Variants in QKI observed in about 807,000 individuals in gnomAD.
QKI encodes the protein KH domain-containing RNA-binding protein QKI.
Under a neutral mutation model 39.0 loss-of-function variants are expected in QKI, and 10 were observed. The ratio of observed to expected loss-of-function variants is 0.26; its 90% CI spans 0.16 to 0.43. QKI has a LOEUF of 0.43. QKI is among the 20% of genes least tolerant of loss of function. QKI has a pLI of 1.00. For missense variants in QKI, 218 were observed against 428.0 expected (o/e 0.51, Z 4.33); for synonymous variants, 204 against 155.4 (o/e 1.31, Z -2.33).
intron 2 of QKI, among the ~76,000 whole-genome samples, chr6:163,456,870 A>G (rs1430929820): frequency 1.3e-5 from 2 of 152,000 alleles, no homozygotes; most frequent in African/African-American, 4.8e-5. Flanking sequence ...CTCGGTTGAG[A>G]GCCTTGCTGA....
chr6:163,415,640 C>G (rs1317367381), intron 1 of QKI, among the ~76,000 whole-genome samples: 1 of 151,768 alleles, frequency 6.6e-6, no homozygotes, highest in Non-Finnish European at 1.5e-5. Flanking sequence ...CTTCGGCGGT[C>G]ACATTTCCGA....
chr6:163,542,852 C>T (rs929774298), intron 4 of QKI, among the ~76,000 whole-genome samples: 5 of 151,826 alleles, frequency 3.3e-5, no homozygotes, highest in East Asian at 1.9e-4. Context: ...TTTCCACCTG[C>T]GGGTTTTGAA....
intron 5 of QKI, among the ~76,000 whole-genome samples, chr6:163,563,112 C>CT (rs1783133385): frequency 6.6e-6 from 1 of 152,086 alleles, no homozygotes; most frequent in Non-Finnish European, 1.5e-5. Context: ...TCTGCATGTA[C>CT]TTTAGTCTTA....
intron 3 of QKI, among the ~76,000 whole-genome samples, chr6:163,528,990 C>T (rs532920763): frequency 6.6e-6 from 1 of 152,170 alleles, no homozygotes; most frequent in African/African-American, 2.4e-5. Context: ...TACTTTTGAC[C>T]CATCTTGTCT....
At chr6:163,517,888 C>T (rs1562506434) in intron 3 of QKI, among the ~76,000 whole-genome samples, 1 of 152,066 alleles carries the variant, frequency 6.6e-6, no homozygotes, top group Non-Finnish European at 1.5e-5. Context: ...TTAGATGATA[C>T]ACAGCTATTT....
At position 163,571,385 on chromosome 6, in the gene QKI, C is replaced by T. The variant is rs1406656109; in HGVS notation, c.*675C>T. On this transcript the variant is annotated 3_prime_UTR_variant, in exon 8 of 8. Transcript: ENST00000361752. ...TAATGCAAATAACAAAACTGCAACA[C>T]TATTTTTAAAAAGATAAATATCTGA... 6.6e-6 allele frequency: 1 copy of T among 152,080 alleles called. No homozygotes were observed. The highest frequency in any genetic ancestry group is 2.4e-5 in the African/African-American group (1 of 41,414). The allele number at this position is 152,080 out of a possible 1,614,324, so 9.4% of individuals were successfully genotyped here. A position where few individuals can be genotyped will look rare whatever the true frequency, so the allele number is the denominator to read the frequency against.
At chr6:163,528,900 T>C (rs1562516142) in intron 3 of QKI, among the ~76,000 whole-genome samples, 1 of 152,196 alleles carries the variant, frequency 6.6e-6, no homozygotes, top group East Asian at 1.9e-4. Context: ...TTTATACATA[T>C]AGTATTTATA....
At chr6:163,457,015 A>G (rs1790970546) in intron 2 of QKI, among the ~76,000 whole-genome samples, 1 of 152,094 alleles carries the variant, frequency 6.6e-6, no homozygotes, top group Admixed American at 6.6e-5. Flanking sequence ...CTGTGAGCCT[A>G]CCCTAGGTAT....
intron 7 of QKI, chr6:163,568,866 A>T (rs1341477549): frequency 1.0e-6 from 1 of 985,664 alleles, no homozygotes; most frequent in Admixed American, 6.2e-5. Flanking sequence ...AATGAACTGT[A>T]TGGTCTTGCA....
chr6:163,554,638 C>T (rs1782468729), intron 4 of QKI, among the ~76,000 whole-genome samples: 1 of 152,240 alleles, frequency 6.6e-6, no homozygotes, highest in Admixed American at 6.5e-5. Context: ...CCATATTCCT[C>T]AATTTTTATC....
chr6:163,448,032 G>A (rs1183479205), intron 1 of QKI, among the ~76,000 whole-genome samples: 1 of 152,132 alleles, frequency 6.6e-6, no homozygotes, highest in African/African-American at 2.4e-5. Context: ...TACAGTAGAG[G>A]TTCTTTTCTA....
intron 3 of QKI, among the ~76,000 whole-genome samples, chr6:163,515,992 C>T (rs1779769283): frequency 6.7e-6 from 1 of 148,680 alleles, no homozygotes; most frequent in Non-Finnish European, 1.5e-5. Flanking sequence ...ATTTATCTCT[C>T]AAATCTGTCA....
chr6:163,555,242 A>G (rs1265238751), intron 4 of QKI, among the ~76,000 whole-genome samples: 1 of 152,130 alleles, frequency 6.6e-6, no homozygotes, highest in Non-Finnish European at 1.5e-5. Context: ...ACATGGGTTT[A>G]TTGGTTATTG....
chr6:163,534,056 C>G (rs1467715466), intron 3 of QKI, among the ~76,000 whole-genome samples: 1 of 152,108 alleles, frequency 6.6e-6, no homozygotes, highest in Middle Eastern at 3.2e-3. Flanking sequence ...TGCTGTGTGC[C>G]AGGTGCATTT....
chr6:163,453,458 G>A (rs1790720953), intron 1 of QKI, among the ~76,000 whole-genome samples: 1 of 152,122 alleles, frequency 6.6e-6, no homozygotes, highest in Non-Finnish European at 1.5e-5. Context: ...GCTAAAGGAT[G>A]TATGTGTGAT....
At chr6:163,447,509 T>C (rs1317209691) in intron 1 of QKI, among the ~76,000 whole-genome samples, 1 of 152,172 alleles carries the variant, frequency 6.6e-6, no homozygotes, top group African/African-American at 2.4e-5. Context: ...CTTCTCCTAC[T>C]CATCCATCCT....
intron 4 of QKI, among the ~76,000 whole-genome samples, chr6:163,561,404 T>C (rs1315128276): frequency 6.6e-6 from 1 of 152,008 alleles, no homozygotes; most frequent in Non-Finnish European, 1.5e-5. Flanking sequence ...GCCAGGAGTT[T>C]GAGACCAGCC....
chr6:163,472,346 AGAG>A (rs1792268187), intron 2 of QKI, among the ~76,000 whole-genome samples: 1 of 152,192 alleles, frequency 6.6e-6, no homozygotes. Context: ...AGGCTGAGGA[AGAG>A]GAGGAAGATT....
intron 7 of QKI, chr6:163,568,451 C>T (rs1413863215): frequency 2.0e-6 from 2 of 985,524 alleles, no homozygotes; most frequent in Non-Finnish European, 2.4e-6. Flanking sequence ...TTTGATTAGT[C>T]CTGTCACTGT....
Sources: allele counts gnomAD v4.1 joint callset (sites outside exome capture counted in the v4.1 genomes callset), GRCh38; gene constraint gnomAD v4.1.1; transcripts MANE v1.5; gene names NCBI Gene and HGNC (gene_info 2026-07-23, HGNC 2026-07-21).